PEBP4: variants seen among roughly 807,000 people sequenced by gnomAD.
PEBP4 encodes phosphatidylethanolamine-binding protein 4.
Under a neutral mutation model 23.9 loss-of-function variants are expected in PEBP4, and 22 were observed. That is an observed-to-expected ratio of 0.92 (90% CI 0.66 to 1.31). The LOEUF (loss-of-function observed/expected upper bound fraction) is 1.31. PEBP4 is among the 40% of genes most tolerant of loss of function. The pLI is 0.00. For synonymous variants in PEBP4, 112 were observed against 99.3 expected, an observed-to-expected ratio of 1.13 and a Z score of -0.76; for missense variants, 324 against 281.7, an observed-to-expected ratio of 1.15 and a Z score of -1.07.
chr8:22,898,384 T>G, intron 3 of PEBP4, among the ~76,000 whole-genome samples: 1 of 78,666 alleles, frequency 1.3e-5, no homozygotes, highest in Non-Finnish European at 2.2e-5. Context: ...AGAGGAAGAC[T>G]CCACCCCAAA....
chr8:22,752,565 G>A (rs1029968874), intron 4 of PEBP4, among the ~76,000 whole-genome samples: 2 of 152,300 alleles, frequency 1.3e-5, no homozygotes, highest in South Asian at 2.1e-4. Flanking sequence ...TGTGTATGCC[G>A]TGGGGAGAGT....
At chr8:22,834,309 T>C (rs767041142) in intron 3 of PEBP4, among the ~76,000 whole-genome samples, 2 of 152,224 alleles carry the variant, frequency 1.3e-5, no homozygotes, top group Non-Finnish European at 2.9e-5. Context: ...TCGCCAGGGC[T>C]GATGGGCCCG....
chr8:22,908,401 A>AAAG (rs1808862948), intron 3 of PEBP4, among the ~76,000 whole-genome samples: 1 of 152,012 alleles, frequency 6.6e-6, no homozygotes, highest in African/African-American at 2.4e-5. Context: ...AACAAAAAAA[A>AAAG]AAACCTGTCT....
chr8:22,763,487 C>A (rs1029141060), intron 4 of PEBP4, among the ~76,000 whole-genome samples: 1 of 152,188 alleles, frequency 6.6e-6, no homozygotes, highest in South Asian at 2.1e-4. Flanking sequence ...GGCCCTAGAG[C>A]GTGTAGCTTC....
chr8:22,872,954 G>C (rs1808037687), intron 3 of PEBP4, among the ~76,000 whole-genome samples: 1 of 152,206 alleles, frequency 6.6e-6, no homozygotes, highest in African/African-American at 2.4e-5. Flanking sequence ...TGGGATCACA[G>C]GTATGAGCCA....
At chr8:22,913,805 T>G (rs1022034560) in intron 3 of PEBP4, among the ~76,000 whole-genome samples, 2 of 152,188 alleles carry the variant, frequency 1.3e-5, no homozygotes, top group African/African-American at 4.8e-5. Flanking sequence ...GGCTCCTTCC[T>G]GCCAGAATTT....
intron 1 of PEBP4, among the ~76,000 whole-genome samples, chr8:22,938,219 C>A (rs1441374058): frequency 6.6e-6 from 1 of 152,174 alleles, no homozygotes; most frequent in Non-Finnish European, 1.5e-5. Flanking sequence ...CTGGCCACTC[C>A]GTCCTCTTCA....
At chr8:22,894,279 A>AACT (rs1808552012) in intron 3 of PEBP4, among the ~76,000 whole-genome samples, 1 of 152,136 alleles carries the variant, frequency 6.6e-6, no homozygotes, top group African/African-American at 2.4e-5. Context: ...TTGAGGTTTA[A>AACT]ATTCTTGGCA....
At chr8:22,833,822 T>G (rs868594381) in intron 3 of PEBP4, among the ~76,000 whole-genome samples, 39 of 152,186 alleles carry the variant, frequency 2.6e-4, no homozygotes, top group African/African-American at 9.2e-4. Context: ...GTGGAGGTTT[T>G]GATTGAAGGA....
chr8:22,716,643 G>A (rs1415414556), intron 6 of PEBP4, among the ~76,000 whole-genome samples: 1 of 152,262 alleles, frequency 6.6e-6, no homozygotes, highest in Non-Finnish European at 1.5e-5. Flanking sequence ...CTGTTTGGGA[G>A]TGGTTTGTCA....
At chr8:22,797,483 AG>A (rs1806288240) in intron 4 of PEBP4, among the ~76,000 whole-genome samples, 1 of 152,164 alleles carries the variant, frequency 6.6e-6, no homozygotes, top group Non-Finnish European at 1.5e-5. Flanking sequence ...GCAGGTCTAA[AG>A]GTGATGTGGT....
chr8:22,842,235 T>C (rs1275811257), intron 3 of PEBP4, among the ~76,000 whole-genome samples: 1 of 152,076 alleles, frequency 6.6e-6, no homozygotes, highest in Non-Finnish European at 1.5e-5. Flanking sequence ...CTTTAAAACG[T>C]TTGGAGAAAC....
At chr8:22,808,205 C>A (rs1333768928) in intron 4 of PEBP4, among the ~76,000 whole-genome samples, 1 of 151,926 alleles carries the variant, frequency 6.6e-6, no homozygotes, top group Non-Finnish European at 1.5e-5. Context: ...TCCATCCATC[C>A]ACCCACCCAT....
At chr8:22,810,282 A>G (rs1017355053) in intron 4 of PEBP4, among the ~76,000 whole-genome samples, 9 of 152,160 alleles carry the variant, frequency 5.9e-5, no homozygotes, top group African/African-American at 2.2e-4. Flanking sequence ...TATGCTGGTC[A>G]TTATCCCTCT....
intron 3 of PEBP4, among the ~76,000 whole-genome samples, chr8:22,826,885 C>T (rs1230432076): frequency 6.6e-6 from 1 of 152,154 alleles, no homozygotes; most frequent in African/African-American, 2.4e-5. Flanking sequence ...ATAAACCAAA[C>T]TTATAAAATA....
At chr8:22,863,338 A>G (rs546969185) in intron 3 of PEBP4, among the ~76,000 whole-genome samples, 4 of 152,174 alleles carry the variant, frequency 2.6e-5, no homozygotes, top group South Asian at 2.1e-4. Flanking sequence ...GCTGGCTCCA[A>G]TTGGAACACA....
chr8:22,723,316 A>G (rs796819977), intron 6 of PEBP4, among the ~76,000 whole-genome samples: 2 of 152,108 alleles, frequency 1.3e-5, no homozygotes, highest in African/African-American at 4.8e-5. Flanking sequence ...GTCGAGCCTC[A>G]GGAGCCCCAG....
rs543345370 is a variant in PEBP4, at chr8:22,717,527, C to G, written c.518-3991G>C. ...GAAGCTGAGGGAGGGAGGCTCCCCC[C>G]ACCCCAGCTCCATTCTCCCATGGGC... On this transcript the variant is annotated intron_variant, in intron 6 of 6. Transcript: ENST00000256404. 2.6e-4 allele frequency among the ~76,000 whole-genome samples: 40 copies of G among 152,346 alleles called. No homozygotes were observed. In the South Asian group the frequency reaches 4.3e-3, roughly 17 times the overall value.
At chr8:22,927,538 C>A in intron 2 of PEBP4, 46 bp downstream of exon 2, 1 of 1,577,832 alleles carries the variant, frequency 6.3e-7, no homozygotes, top group Non-Finnish European at 8.6e-7. Flanking sequence ...CATCTACCTG[C>A]CTGGTAGCCT....
Sources: gnomAD v4.1 joint callset for allele counts (sites outside exome capture counted in the v4.1 genomes callset) on GRCh38, gnomAD v4.1.1 for gene constraint, MANE v1.5 for transcripts, NCBI Gene and HGNC (gene_info 2026-07-23, HGNC 2026-07-21) for gene names.